Variants in STON2 observed in about 807,000 individuals in gnomAD.
The protein encoded by STON2 is stonin-2.
Under a neutral mutation model 65.7 loss-of-function variants are expected in STON2, and 29 were observed. That is an observed-to-expected ratio of 0.44 (90% confidence interval 0.33 to 0.60). The LOEUF is 0.60. Among genes scored for constraint, STON2 ranks in the 20% least tolerant of loss-of-function variants. The pLI is 0.03. For synonymous variants in STON2, 404 were observed against 414.2 expected (o/e 0.98, Z 0.30); for missense variants, 1,054 against 1,118.1 (o/e 0.94, Z 0.82).
At position 81,262,485 on chromosome 14, in the gene STON2, T is replaced by A. The variant is rs1894188985; in HGVS notation, c.*5929A>T. On this transcript the variant is annotated 3_prime_UTR_variant, in exon 8 of 8. Coordinates refer to ENST00000614646, the MANE Select transcript of STON2 (RefSeq NM_001394390.1). ...GCTTCTTACTTTTAACTTTAAGAGA[T>A]GGCTTCTAGTTCAAGTATTTTGAGG... The A allele has an allele frequency of 1.0e-6, 1 of 985,190 alleles. No individual in the cohort carries two copies. Among genetic ancestry groups the A allele is most frequent in the African/African-American group, 1.7e-5 (1 of 57,254 alleles). The allele number at this position is 985,190 out of a possible 1,614,324, so 61.0% of individuals were successfully genotyped here.
At chr14:81,339,465 A>G (rs1021521925) in intron 4 of STON2, among the ~76,000 whole-genome samples, 4 of 152,074 alleles carry the variant, frequency 2.6e-5, no homozygotes, top group Admixed American at 2.0e-4. Context: ...CAGATCTCCA[A>G]CCATCACTGT....
intron 4 of STON2, among the ~76,000 whole-genome samples, chr14:81,370,695 AAATT>A (rs1898942993): frequency 6.6e-6 from 1 of 152,186 alleles, no homozygotes; most frequent in Admixed American, 6.6e-5. Flanking sequence ...AGGAGAAAAT[AAATT>A]GACAGAGAAT....
chr14:81,398,844 A>C (rs928313638), intron 1 of STON2, among the ~76,000 whole-genome samples: 1 of 152,238 alleles, frequency 6.6e-6, no homozygotes, highest in African/African-American at 2.4e-5. Context: ...AATTTCCCTA[A>C]TTATTGTATT....
chr14:81,434,954 T>C (rs952047841), intron 1 of STON2, among the ~76,000 whole-genome samples: 4 of 151,848 alleles, frequency 2.6e-5, no homozygotes, highest in African/African-American at 9.7e-5. Flanking sequence ...GAGTTTTTTT[T>C]CTCTCTCTCT....
intron 4 of STON2, among the ~76,000 whole-genome samples, chr14:81,334,433 A>G (rs562895721): frequency 1.3e-5 from 2 of 152,236 alleles, no homozygotes; most frequent in Non-Finnish European, 2.9e-5. Flanking sequence ...GCCTTGAATC[A>G]TTAAGAGAAA....
chr14:81,278,478 C>G lies in STON2; in HGVS notation c.1004G>C (p.Arg335Pro). Reference sequence around the variant, plus strand: ...GAAGTTCATCAAAGTGCTCTTGGGACGGTCCCTCTTCTTAAATGATCCCAT... The same window carrying G: ...GAAGTTCATCAAAGTGCTCTTGGGAGGGTCCCTCTTCTTAAATGATCCCAT... ...NSMGSFKKRD[R>P]PKSTLMNFSK... The change falls in exon 6 of 8, where the codon CGT (arginine) becomes CCT (proline). Residue 335 changes from arginine (R) to proline (P), a missense_variant. Transcript: ENST00000614646. The G allele has an allele frequency of 6.2e-7, 1 of 1,614,208 alleles. No homozygotes were observed. Among genetic ancestry groups the G allele is most frequent in the Non-Finnish European group, 8.5e-7 (1 of 1,180,044 alleles).
intron 3 of STON2, 174 bp downstream of exon 3, chr14:81,395,720 A>G: frequency 1.5e-6 from 1 of 653,212 alleles, no homozygotes; most frequent in East Asian, 2.7e-5. Context: ...TTATGTCAAC[A>G]AAAACAAGTT....
intron 1 of STON2, among the ~76,000 whole-genome samples, chr14:81,434,422 C>T (rs906539379): frequency 1.3e-5 from 2 of 152,328 alleles, no homozygotes; most frequent in East Asian, 1.9e-4. Context: ...ACTGAAAGGG[C>T]TGCCATGCTA....
At chr14:81,431,460 A>C (rs1206430835) in intron 1 of STON2, among the ~76,000 whole-genome samples, 1 of 152,128 alleles carries the variant, frequency 6.6e-6, no homozygotes, top group African/African-American at 2.4e-5. Flanking sequence ...CAACATAGTA[A>C]AACCTCATCT....
At chr14:81,342,795 A>C (rs530714840) in intron 4 of STON2, among the ~76,000 whole-genome samples, 7 of 152,184 alleles carry the variant, frequency 4.6e-5, no homozygotes, top group Non-Finnish European at 1.0e-4. Flanking sequence ...AAGTGAAGCC[A>C]GAGAGCGCCA....
intron 3 of STON2, among the ~76,000 whole-genome samples, chr14:81,385,788 A>G (rs1277345039): frequency 6.6e-6 from 1 of 152,244 alleles, no homozygotes; most frequent in Non-Finnish European, 1.5e-5. Context: ...AATAAAGAAT[A>G]AATTAGATAG....
Position 81,277,523 on chromosome 14 carries a change from C to G in STON2, c.1959G>C (p.Leu653Phe). 6.2e-7 allele frequency: 1 copy of G among 1,614,190 alleles called. No individual in the cohort carries two copies. The highest frequency in any genetic ancestry group is 8.5e-7 in the Non-Finnish European group (1 of 1,180,020). The change falls in exon 6 of 8, where the codon TTG becomes TTC. Residue 653 changes from leucine to phenylalanine, a missense_variant. Transcript: ENST00000614646. ...GGAAACTCAGGATGTGGATCCGTGT[C>G]AAGACATGGTGCTGGAGAATCTGGT... ...GDNQILQHHV[L>F]TRIHILSFLS...
In STON2 at chr14:81,281,868, C is replaced by A. The variant is rs563821120; in HGVS notation, c.743-3129G>T. On this transcript the variant is annotated intron_variant, in intron 5 of 7. Coordinates refer to ENST00000614646, the MANE Select transcript of STON2 (RefSeq NM_001394390.1). ...AATTAATTTCTAGGGATTCTATTTT[C>A]TTTCTGACAGTCATTAAAAAATATC... Among the ~76,000 whole-genome samples the A allele has an allele frequency of 8.5e-5, 13 of 152,216 alleles. 1 individual carries two copies. In the South Asian group the frequency reaches 2.5e-3, roughly 29 times the overall value.
At chr14:81,356,838 T>C (rs890143996) in intron 4 of STON2, among the ~76,000 whole-genome samples, 1 of 152,084 alleles carries the variant, frequency 6.6e-6, no homozygotes, top group Non-Finnish European at 1.5e-5. Context: ...TGTATTTCTA[T>C]GGGATCGGTA....
intron 5 of STON2, among the ~76,000 whole-genome samples, chr14:81,307,029 G>C (rs1306724554): frequency 1.3e-5 from 2 of 152,160 alleles, no homozygotes; most frequent in Admixed American, 1.3e-4. Flanking sequence ...AGCAAGCATG[G>C]GGAGGTGCAC....
At chr14:81,403,647 C>G (rs1332780215), upstream of STON2, among the ~76,000 whole-genome samples, 2 of 152,168 alleles carry the variant, frequency 1.3e-5, no homozygotes, top group Non-Finnish European at 1.5e-5. Flanking sequence ...CATGGTGTGA[C>G]TCTGTCTCTG....
At chr14:81,288,479 A>AT (rs1375897982) in intron 5 of STON2, among the ~76,000 whole-genome samples, 1 of 152,242 alleles carries the variant, frequency 6.6e-6, no homozygotes, top group Non-Finnish European at 1.5e-5. Flanking sequence ...GCAGGCAATT[A>AT]TAAGCGTTTG....
At position 81,276,946 on chromosome 14, in the gene STON2, T is replaced by C. The variant is rs1321254818; in HGVS notation, c.2536A>G (p.Asn846Asp). 6.2e-7 allele frequency: 1 copy of C among 1,614,214 alleles called. No individual in the cohort carries two copies. Among genetic ancestry groups the C allele is most frequent in the Admixed American group, 1.7e-5 (1 of 60,026 alleles). The change falls in exon 6 of 8, where the codon AAC becomes GAC. Residue 846 changes from asparagine to aspartate, a missense_variant. Physicochemically the swap from Asn to Asp is conservative, Grantham distance 23 (BLOSUM62 1). Transcript: ENST00000614646. ...CGGTTTATCCTCCACACAATGGAGT[T>C]GAAGGCATGCTCGTACTTGGCAGTT... ...LGTAKYEHAFNSIVWRINRLP... is the reference protein window; with the variant it reads ...LGTAKYEHAFDSIVWRINRLP...
chr14:81,294,958 G>T (rs1895701889), intron 5 of STON2, among the ~76,000 whole-genome samples: 1 of 152,198 alleles, frequency 6.6e-6, no homozygotes, highest in Non-Finnish European at 1.5e-5. Context: ...GTAATTCAAG[G>T]TTCCAAATCA....
Sources: gnomAD v4.1 joint callset for allele counts (sites outside exome capture counted in the v4.1 genomes callset) on GRCh38, gnomAD v4.1.1 for gene constraint, MANE v1.5 for transcripts, NCBI Gene and HGNC (gene_info 2026-07-23, HGNC 2026-07-21) for gene names.